CACNA1E: variants seen among roughly 807,000 people sequenced by gnomAD.
CACNA1E encodes voltage-dependent R-type calcium channel subunit alpha-1E.
A neutral mutation model predicts 259.2 loss-of-function variants in CACNA1E; 40 were observed. The observed-to-expected ratio is 0.15, with a 90% confidence interval of 0.12 to 0.20. The LOEUF (loss-of-function observed/expected upper bound fraction) is 0.20, where lower values mean the gene tolerates loss of function less well. Among genes scored for constraint, CACNA1E ranks in the 10% least tolerant of loss-of-function variants. CACNA1E has a pLI of 1.00. For synonymous variants in CACNA1E, 1,104 were observed against 1,138.5 expected (o/e 0.97, Z 0.61); for missense variants, 1,874 against 3,040.1 (o/e 0.62, Z 9.02).
chr1:181,497,934 T>C (rs900966554), intron 1 of CACNA1E, among the ~76,000 whole-genome samples: 4 of 152,212 alleles, frequency 2.6e-5, no homozygotes, highest in Non-Finnish European at 1.5e-5. Flanking sequence ...GAATGCGAGC[T>C]TGAGTCGGAA....
chr1:181,587,775 C>G (rs1652220345), intron 6 of CACNA1E, among the ~76,000 whole-genome samples: 1 of 152,098 alleles, frequency 6.6e-6, no homozygotes. Flanking sequence ...CCCAGCTACT[C>G]AGGAGGCTGA....
intron 6 of CACNA1E, among the ~76,000 whole-genome samples, chr1:181,619,786 G>A (rs1032195387): frequency 6.6e-6 from 1 of 152,132 alleles, no homozygotes; most frequent in African/African-American, 2.4e-5. Flanking sequence ...AAGGGGGAGG[G>A]TCATGATTAT....
intron 6 of CACNA1E, among the ~76,000 whole-genome samples, chr1:181,586,580 G>A (rs1264599504): frequency 6.6e-6 from 1 of 152,008 alleles, no homozygotes; most frequent in African/African-American, 2.4e-5. Context: ...CGCTGCAGAG[G>A]GATAAAGTAG....
At chr1:181,496,101 T>G (rs1664729509) in intron 1 of CACNA1E, among the ~76,000 whole-genome samples, 1 of 152,250 alleles carries the variant, frequency 6.6e-6, no homozygotes. Context: ...TTTTTCTTCC[T>G]TCTCAAAGTT....
intron 1 of CACNA1E, among the ~76,000 whole-genome samples, chr1:181,490,927 C>T (rs746789434): frequency 7.9e-5 from 12 of 152,070 alleles, no homozygotes; most frequent in Admixed American, 5.2e-4. Flanking sequence ...GGACATCGTG[C>T]GTGGCCTTCT....
At chr1:181,524,557 G>T (rs1412375534) in intron 3 of CACNA1E, among the ~76,000 whole-genome samples, 1 of 152,226 alleles carries the variant, frequency 6.6e-6, no homozygotes, top group African/African-American at 2.4e-5. Flanking sequence ...GAACAGGCCA[G>T]TGTGTCCTGA....
intron 26 of CACNA1E, among the ~76,000 whole-genome samples, 153 bp downstream of exon 26, chr1:181,750,640 CCTT>C (rs1657511718): frequency 6.6e-6 from 1 of 152,108 alleles, no homozygotes; most frequent in Non-Finnish European, 1.5e-5. Flanking sequence ...AGTCACCAAG[CCTT>C]CTTGGGAAAT....
chr1:181,772,058 G>T lies in CACNA1E; in HGVS notation c.4974-8G>T. 1 of 1,612,928 alleles carries T rather than the reference G, an allele frequency of 6.2e-7. No individual in the cohort carries two copies. The highest frequency in any genetic ancestry group is 8.5e-7 in the Non-Finnish European group (1 of 1,179,342). ...GCTCCTGCTAACCAAAATGTCTCTTGGGCTCAGGAGTGCCACAGGTGAGGC... is the reference window on the plus strand; with the variant it reads ...GCTCCTGCTAACCAAAATGTCTCTTTGGCTCAGGAGTGCCACAGGTGAGGC... On this transcript the variant is annotated splice_polypyrimidine_tract_variant and splice_region_variant and intron_variant, in intron 36 of 47. Coordinates refer to ENST00000367573, the MANE Select transcript of CACNA1E (RefSeq NM_001205293.3).
intron 2 of CACNA1E, among the ~76,000 whole-genome samples, chr1:181,444,396 GA>G (rs1230333242): frequency 2.0e-5 from 3 of 152,190 alleles, no homozygotes; most frequent in Non-Finnish European, 4.4e-5. Context: ...AGGTAAAAGA[GA>G]GGGTGTAAGG....
At chr1:181,549,188 T>C (rs1647853165) in intron 3 of CACNA1E, among the ~76,000 whole-genome samples, 1 of 152,176 alleles carries the variant, frequency 6.6e-6, no homozygotes, top group South Asian at 2.1e-4. Flanking sequence ...AGCTCTGGAC[T>C]CTTGGGCTGC....
At chr1:181,413,881 G>A (rs1040085868) in intron 2 of CACNA1E, among the ~76,000 whole-genome samples, 2 of 152,236 alleles carry the variant, frequency 1.3e-5, no homozygotes, top group Non-Finnish European at 2.9e-5. Flanking sequence ...AAGAACTGGG[G>A]TCTGTTTCAT....
chr1:181,581,487 T>G (rs1038133103), intron 6 of CACNA1E, among the ~76,000 whole-genome samples: 1 of 152,162 alleles, frequency 6.6e-6, no homozygotes, highest in African/African-American at 2.4e-5. Flanking sequence ...GAGCTGTGCT[T>G]TTTTCAAGTG....
At chr1:181,681,843 A>G (rs1434036062) in intron 7 of CACNA1E, among the ~76,000 whole-genome samples, 1 of 152,056 alleles carries the variant, frequency 6.6e-6, no homozygotes, top group Non-Finnish European at 1.5e-5. Flanking sequence ...TTCTGTGCCT[A>G]TCATCTGGTT....
chr1:181,654,239 TTA>T (rs1424291350), intron 7 of CACNA1E, among the ~76,000 whole-genome samples: 1 of 148,608 alleles, frequency 6.7e-6, no homozygotes. Context: ...ATATATATAC[TTA>T]TATATATTTA....
chr1:181,717,600 A>C (rs1192681543), intron 11 of CACNA1E, among the ~76,000 whole-genome samples: 1 of 152,074 alleles, frequency 6.6e-6, no homozygotes, highest in Non-Finnish European at 1.5e-5. Context: ...AGGAGTTTTG[A>C]TCATTGAAAT....
In CACNA1E at chr1:181,564,715, A is replaced by T. The variant is rs147419184; in HGVS notation, c.513-13051A>T. Reference sequence around the variant, plus strand: ...AGGAATCATGATCTATGGCAGCTGTAGTCTTCTGAGATGTTATTTCTTAAA... The same window carrying T: ...AGGAATCATGATCTATGGCAGCTGTTGTCTTCTGAGATGTTATTTCTTAAA... On this transcript the variant is annotated intron_variant, in intron 3 of 47. Coordinates refer to ENST00000367573, the MANE Select transcript of CACNA1E (RefSeq NM_001205293.3). Among the ~76,000 whole-genome samples, 19 of 152,324 alleles carry T rather than the reference A, an allele frequency of 1.2e-4. 1 individual carries two copies. In the East Asian group the frequency reaches 3.5e-3, roughly 28 times the overall value.
In CACNA1E at chr1:181,587,889, A is replaced by G. The variant is rs112228947; in HGVS notation, c.951+7113A>G. On this transcript the variant is annotated intron_variant, in intron 6 of 47. Coordinates refer to ENST00000367573, the MANE Select transcript of CACNA1E (RefSeq NM_001205293.3). ...AAGAGCGAGACTCCGTCTCAAGAAA[A>G]AAAGAAAGAAAGAAAGAAAGAAATG... is the stretch of plus-strand genomic sequence containing the variant. 4.7e-3 allele frequency among the ~76,000 whole-genome samples: 714 copies of G among 152,308 alleles called. 1 individual carries two copies. Among genetic ancestry groups the G allele is most frequent in the Admixed American group, 7.2e-3 (110 of 15,302 alleles).
intron 12 of CACNA1E, among the ~76,000 whole-genome samples, chr1:181,718,819 GAACT>G (rs1471707765): frequency 6.6e-5 from 10 of 152,142 alleles, no homozygotes; most frequent in African/African-American, 2.4e-4. Context: ...GGAGTCCTAT[GAACT>G]ACATTACATT....
intron 3 of CACNA1E, among the ~76,000 whole-genome samples, chr1:181,540,876 T>A (rs1668528905): frequency 6.6e-6 from 1 of 152,194 alleles, no homozygotes; most frequent in South Asian, 2.1e-4. Context: ...GTTATACAGG[T>A]TAAGCATCCC....
Sources: allele counts gnomAD v4.1 joint callset (sites outside exome capture counted in the v4.1 genomes callset), GRCh38; gene constraint gnomAD v4.1.1; transcripts MANE v1.5; gene names NCBI Gene and HGNC (gene_info 2026-07-23, HGNC 2026-07-21).